LTF: variants seen among roughly 807,000 people sequenced by gnomAD.
The protein encoded by LTF is lactotransferrin.
LTF carries 91 observed loss-of-function variants against 87.2 expected under a neutral mutation model. The ratio of observed to expected loss-of-function variants is 1.04; its 90% CI spans 0.88 to 1.24. The LOEUF is 1.24. Among genes scored for constraint, LTF ranks in the 50% most tolerant of loss-of-function variants. The pLI is 0.00. For synonymous variants in LTF, 378 were observed against 356.1 expected, an observed-to-expected ratio of 1.06 and a Z score of -0.69; for missense variants, 901 against 904.3, an observed-to-expected ratio of 1.00 and a Z score of 0.05.
chr3:46,464,800 C>G, intron 1 of LTF, 25 bp downstream of exon 1: 2 of 1,613,512 alleles, frequency 1.2e-6, no homozygotes, highest in Non-Finnish European at 1.7e-6. Context: ...TCAGGCGGCT[C>G]GCGCCCCCAG....
intron 12 of LTF, 121 bp from the exon 13 acceptor site, chr3:46,443,703 T>G: frequency 2.3e-6 from 2 of 862,888 alleles, no homozygotes; most frequent in Non-Finnish European, 3.8e-6. Flanking sequence ...GCAATCTAGA[T>G]AGAACACACT....
At chr3:46,484,479 G>A (rs1292957144) in intron 1 of LTF, among the ~76,000 whole-genome samples, 2 of 152,110 alleles carry the variant, frequency 1.3e-5, no homozygotes, top group African/African-American at 2.4e-5. Flanking sequence ...GCAGCGTCAG[G>A]CCTTAGGGGC....
upstream of LTF, among the ~76,000 whole-genome samples, chr3:46,466,981 C>A (rs1703224487): frequency 6.6e-6 from 1 of 152,116 alleles, no homozygotes; most frequent in Non-Finnish European, 1.5e-5. Flanking sequence ...ACACAGAGAA[C>A]CTGGGGCCAC....
chr3:46,453,575 G>C (rs926328176), intron 6 of LTF, among the ~76,000 whole-genome samples: 5 of 151,866 alleles, frequency 3.3e-5, no homozygotes, highest in African/African-American at 1.2e-4. Context: ...GAATGTGGGT[G>C]TCTGTCACTT....
chr3:46,482,560 G>GAAGGA (rs1559614572), intron 1 of LTF, among the ~76,000 whole-genome samples: 730 of 52,326 alleles, frequency 0.014, 141 homozygotes, highest in African/African-American at 0.047. Flanking sequence ...GAAGGGAAGG[G>GAAGGA]AAGGGAAGGG....
At chr3:46,477,978 A>T (rs1355619184) in intron 1 of LTF, among the ~76,000 whole-genome samples, 1 of 152,010 alleles carries the variant, frequency 6.6e-6, no homozygotes. Context: ...CACTTTCCCC[A>T]GTCTTCCTTC....
chr3:46,451,526 T>G (rs1488693091), intron 6 of LTF, among the ~76,000 whole-genome samples: 1 of 152,248 alleles, frequency 6.6e-6, no homozygotes, highest in South Asian at 2.1e-4. Flanking sequence ...ATTGTTTATG[T>G]GTTCAACATC....
chr3:46,444,621 C>A (rs557146683), intron 12 of LTF, among the ~76,000 whole-genome samples: 1 of 152,200 alleles, frequency 6.6e-6, no homozygotes, highest in Non-Finnish European at 1.5e-5. Context: ...AGCAGAGCCA[C>A]GTGAAAGCTG....
chr3:46,459,889 G>A (rs574456679), intron 1 of LTF, 70 bp from the exon 2 acceptor site: 41 of 1,205,194 alleles, frequency 3.4e-5, no homozygotes, highest in African/African-American at 4.9e-5. Flanking sequence ...ACCCTCTGAT[G>A]GAGTTTTCCA....
At chr3:46,468,742 C>G (rs553373224), upstream of LTF, among the ~76,000 whole-genome samples, 4 of 152,352 alleles carry the variant, frequency 2.6e-5, no homozygotes, top group Non-Finnish European at 5.9e-5. Flanking sequence ...AATAGCTTGG[C>G]AGATGGGAGA....
At chr3:46,476,278 T>G (rs1703358720) in intron 1 of LTF, among the ~76,000 whole-genome samples, 1 of 152,212 alleles carries the variant, frequency 6.6e-6, no homozygotes, top group Admixed American at 6.5e-5. Flanking sequence ...CTTTCAACAT[T>G]GTCCCCATTA....
Position 46,449,742 on chromosome 3 carries a change from C to T in LTF, c.1057+112G>A, listed in dbSNP as rs533684824. 6.3e-5 allele frequency: 72 copies of T among 1,149,800 alleles called. 1 individual carries two copies. The highest frequency in any genetic ancestry group is 3.7e-4 in the South Asian group (25 of 68,460). The allele number at this position is 1,149,800 out of a possible 1,614,324, so 71.2% of individuals were successfully genotyped here. A position where few individuals can be genotyped will look rare whatever the true frequency, so the allele number is the denominator to read the frequency against. On this transcript the variant is annotated intron_variant, in intron 8 of 16. Transcript: ENST00000231751. ...CACTCACACCTGCATCAAACCTCCA[C>T]GATGACCCCACAGTGTCTGGGAAAA...
At position 46,439,483 on chromosome 3, in the gene LTF, G is replaced by T; in HGVS notation, c.1724-3C>A. ...AGCCCATGCCTCATTGTTATTTCCT[G>T]GGGAGAAAAAGAAGGTGGCATCATC... is the stretch of plus-strand genomic sequence containing the variant. On this transcript the variant is annotated splice_region_variant and splice_polypyrimidine_tract_variant and intron_variant, in intron 14 of 16. Transcript: ENST00000231751. 1 of 1,597,310 alleles carries T rather than the reference G, an allele frequency of 6.3e-7. No individual in the cohort carries two copies.
At position 46,455,879 on chromosome 3, in the gene LTF, C is replaced by A; in HGVS notation, c.416G>T (p.Arg139Leu). ...AGGGACATTCCATCCAGCGGTCCTG[C>A]GAAGGCCTGTGTGGCAGGACTTCAG... ...QGLKSCHTGL[R>L]RTAGWNVPIG... The change falls in exon 4 of 17, where the codon CGC (arginine) becomes CTC (leucine). Residue 139 changes from arginine to leucine, a missense_variant. Physicochemically the swap from Arg to Leu is moderately radical, Grantham distance 102 (BLOSUM62 -2). Transcript: ENST00000231751. 1.2e-6 allele frequency: 2 copies of A among 1,613,634 alleles called. No individual in the cohort carries two copies. The highest frequency in any genetic ancestry group is 1.7e-6 in the Non-Finnish European group (2 of 1,179,820).
chr3:46,484,773 A>C (rs530152501), intron 1 of LTF, among the ~76,000 whole-genome samples: 157 of 152,332 alleles, frequency 1.0e-3, no homozygotes, highest in African/African-American at 3.7e-3. Flanking sequence ...GAAGGTGTAC[A>C]GTGTGTCTCA....
intron 6 of LTF, among the ~76,000 whole-genome samples, chr3:46,451,723 T>C (rs761023731): frequency 1.2e-4 from 18 of 152,154 alleles, no homozygotes; most frequent in Non-Finnish European, 8.8e-5. Flanking sequence ...GCCTCCCAAG[T>C]AGCTGGGACC....
At chr3:46,475,292 A>C (rs902627761) in intron 1 of LTF, among the ~76,000 whole-genome samples, 1 of 152,202 alleles carries the variant, frequency 6.6e-6, no homozygotes, top group East Asian at 1.9e-4. Flanking sequence ...TCAAAAAAGA[A>C]ATCTTCAGAC....
upstream of LTF, among the ~76,000 whole-genome samples, chr3:46,466,906 A>G (rs1703223214): frequency 6.6e-6 from 1 of 152,196 alleles, no homozygotes; most frequent in East Asian, 1.9e-4. Flanking sequence ...CCAAATTTTA[A>G]AAAAGGATGA....
chr3:46,459,556 G>A, intron 2 of LTF, 100 bp downstream of exon 2: 2 of 1,200,220 alleles, frequency 1.7e-6, no homozygotes, highest in South Asian at 2.8e-5. Context: ...TGCCCAACAG[G>A]TGAAGCAGAG....
Sources: allele counts gnomAD v4.1 joint callset (sites outside exome capture counted in the v4.1 genomes callset), GRCh38; gene constraint gnomAD v4.1.1; transcripts MANE v1.5; gene names NCBI Gene and HGNC (gene_info 2026-07-23, HGNC 2026-07-21).